MCTP2: variants seen among roughly 807,000 people sequenced by gnomAD.
MCTP2 encodes the protein multiple C2 and transmembrane domain containing 2.
Under a neutral mutation model 111.6 loss-of-function variants are expected in MCTP2, and 132 were observed. That is an observed-to-expected ratio of 1.18 (90% CI 1.03 to 1.37). The LOEUF is 1.37. Among genes scored for constraint, MCTP2 ranks in the 40% most tolerant of loss-of-function variants. The pLI is 0.00. For synonymous variants in MCTP2, 395 were observed against 387.7 expected (o/e 1.02, Z -0.22); for missense variants, 1,183 against 1,067.9 (o/e 1.11, Z -1.50).
chr15:94,374,222 A>G (rs1244721608), intron 12 of MCTP2, among the ~76,000 whole-genome samples: 1 of 152,230 alleles, frequency 6.6e-6, no homozygotes, highest in East Asian at 1.9e-4. Context: ...CTGTAAAAAG[A>G]GAATATAGTA....
rs59017860 is a variant in MCTP2 at position 94,368,897 on chromosome 15, G to A, written c.1488+1106G>A. Among the ~76,000 whole-genome samples, 871 of 152,272 alleles carry A rather than the reference G, an allele frequency of 5.7e-3. 15 individuals carry two copies. The highest frequency in any genetic ancestry group is 0.017 in the African/African-American group (697 of 41,556). On this transcript the variant is annotated intron_variant, in intron 11 of 22. Transcript: ENST00000357742. ...CTTTAGGATTTGAGGAGTAGTAATC[G>A]AAAAGAGGTTTGAAGAGGCTATGGT...
At chr15:94,342,711 T>C (rs924066135) in intron 7 of MCTP2, 14 of 151,296 alleles carry the variant, frequency 9.3e-5, no homozygotes, top group Admixed American at 6.6e-4. Flanking sequence ...CACATACATA[T>C]ATATCTCTAT....
intron 17 of MCTP2, among the ~76,000 whole-genome samples, chr15:94,420,604 G>T (rs947263602): frequency 2.0e-5 from 3 of 152,132 alleles, no homozygotes. Context: ...AGTAAGTTTA[G>T]ATGTGGCAGA....
intron 14 of MCTP2, among the ~76,000 whole-genome samples, chr15:94,398,063 G>A (rs559042002): frequency 5.3e-5 from 8 of 152,186 alleles, no homozygotes; most frequent in Non-Finnish European, 1.0e-4. Context: ...TACTGAAAAT[G>A]TTTTACTTAG....
chr15:94,390,174 C>G (rs2080871317), intron 14 of MCTP2, among the ~76,000 whole-genome samples: 1 of 147,342 alleles, frequency 6.8e-6, no homozygotes. Flanking sequence ...GGCCAATGGG[C>G]TATCCTTCCA....
At chr15:94,419,511 C>T (rs965847660) in intron 17 of MCTP2, among the ~76,000 whole-genome samples, 4 of 152,044 alleles carry the variant, frequency 2.6e-5, no homozygotes, top group African/African-American at 9.7e-5. Flanking sequence ...CTTCATGAAG[C>T]TGAGATTTGC....
intron 1 of MCTP2, among the ~76,000 whole-genome samples, chr15:94,272,144 C>T (rs1370648102): frequency 6.6e-6 from 1 of 152,138 alleles, no homozygotes; most frequent in African/African-American, 2.4e-5. Context: ...AATCTAGGGC[C>T]AATAAACTCA....
intron 1 of MCTP2, among the ~76,000 whole-genome samples, chr15:94,272,315 A>C (rs2073947487): frequency 1.3e-5 from 2 of 152,176 alleles, no homozygotes. Flanking sequence ...GTGGGTGTGC[A>C]TGCATTGGGA....
At chr15:94,358,901 C>T (rs1056509883) in intron 10 of MCTP2, among the ~76,000 whole-genome samples, 2 of 152,070 alleles carry the variant, frequency 1.3e-5, no homozygotes, top group East Asian at 3.9e-4. Flanking sequence ...TATAAATTTC[C>T]AATATACGCT....
chr15:94,338,955 G>C (rs545545243), intron 4 of MCTP2, among the ~76,000 whole-genome samples: 10 of 152,298 alleles, frequency 6.6e-5, no homozygotes, highest in Non-Finnish European at 1.0e-4. Flanking sequence ...GTTCCTAGGA[G>C]AGGGTGGGCT....
At chr15:94,403,819 C>T (rs1237070821) in intron 17 of MCTP2, among the ~76,000 whole-genome samples, 1 of 152,124 alleles carries the variant, frequency 6.6e-6, no homozygotes, top group Non-Finnish European at 1.5e-5. Flanking sequence ...CTCTGAGGCC[C>T]ACAGCAAGGA....
intron 4 of MCTP2, among the ~76,000 whole-genome samples, chr15:94,318,431 G>C (rs923803659): frequency 1.3e-5 from 2 of 152,004 alleles, no homozygotes; most frequent in Admixed American, 1.3e-4. Flanking sequence ...TTACAGGCAC[G>C]CACCACCATG....
chr15:94,285,630 A>C (rs1432306755), intron 1 of MCTP2, among the ~76,000 whole-genome samples: 1 of 152,306 alleles, frequency 6.6e-6, no homozygotes, highest in African/African-American at 2.4e-5. Flanking sequence ...TAAATATCTC[A>C]TCAGAGATTG....
intron 19 of MCTP2, among the ~76,000 whole-genome samples, chr15:94,450,090 T>C (rs1596753621): frequency 6.6e-6 from 1 of 152,228 alleles, no homozygotes; most frequent in South Asian, 2.1e-4. Flanking sequence ...TATTTGATAC[T>C]AGATGATATT....
chr15:94,379,964 G>A (rs1462548360), intron 12 of MCTP2, among the ~76,000 whole-genome samples: 1 of 149,492 alleles, frequency 6.7e-6, no homozygotes, highest in East Asian at 1.9e-4. Flanking sequence ...GCTTTGACCT[G>A]TCCCGTCTCC....
intron 21 of MCTP2, 36 bp downstream of exon 21, chr15:94,470,478 T>A (rs574760363): frequency 7.4e-7 from 1 of 1,347,722 alleles, no homozygotes; most frequent in South Asian, 1.2e-5. Flanking sequence ...AGCAATCAAT[T>A]CCAGGTAAGA....
intron 14 of MCTP2, among the ~76,000 whole-genome samples, chr15:94,388,944 G>T (rs1192357999): frequency 6.6e-6 from 1 of 152,162 alleles, no homozygotes; most frequent in African/African-American, 2.4e-5. Flanking sequence ...AGGCTATTTT[G>T]TGTAACCACT....
At chr15:94,301,262 C>T (rs4984378) in intron 2 of MCTP2, among the ~76,000 whole-genome samples, 17,510 of 152,072 alleles carry the variant, frequency 0.12, 1,257 homozygotes, top group East Asian at 0.26. Context: ...GACGGAGGGA[C>T]GGGAGTGCGG....
At chr15:94,460,702 TGAGGGGCAGCTGTGCCCAGCA>T (rs1174723006) in intron 20 of MCTP2, among the ~76,000 whole-genome samples, 1 of 152,164 alleles carries the variant, frequency 6.6e-6, no homozygotes, top group East Asian at 1.9e-4. Context: ...TGCAGTGCTT[TGAGGGGCAGCTGTGCCCAGCA>T]CAGCTGTGGT....
Sources: gnomAD v4.1 joint callset for allele counts (sites outside exome capture counted in the v4.1 genomes callset) on GRCh38, gnomAD v4.1.1 for gene constraint, MANE v1.5 for transcripts, NCBI Gene and HGNC (gene_info 2026-07-23, HGNC 2026-07-21) for gene names.